The following CALN1 variants were observed in gnomAD, a reference collection of about 807,000 sequenced individuals.
The protein encoded by CALN1 is calneuron 1, also known as calcium-binding protein 8.
CALN1 carries 17 observed loss-of-function variants against 30.6 expected under a neutral mutation model. The ratio of observed to expected loss-of-function variants is 0.56; its 90% CI spans 0.38 to 0.83. The LOEUF is 0.83. Ranked by LOEUF, CALN1 falls within the 40% of genes least tolerant of loss-of-function variation. The pLI, the probability that CALN1 is intolerant of heterozygous loss-of-function variation, is 0.00. For missense variants in CALN1, 291 were observed against 354.9 expected (o/e 0.82, Z 1.45); for synonymous variants, 156 against 131.4 (o/e 1.19, Z -1.28).
At chr7:72,030,681 A>G (rs748046246) in intron 4 of CALN1, among the ~76,000 whole-genome samples, 1 of 152,166 alleles carries the variant, frequency 6.6e-6, no homozygotes, top group Non-Finnish European at 1.5e-5. Flanking sequence ...TGATAATCAT[A>G]ATAATATCTA....
intron 5 of CALN1, among the ~76,000 whole-genome samples, chr7:71,938,254 A>G (rs969091630): frequency 6.6e-6 from 1 of 152,198 alleles, no homozygotes; most frequent in African/African-American, 2.4e-5. Flanking sequence ...GTTGTGATAC[A>G]ATGACGACAG....
chr7:71,817,826 A>G (rs1788355535), intron 5 of CALN1, among the ~76,000 whole-genome samples: 1 of 151,758 alleles, frequency 6.6e-6, no homozygotes, highest in Non-Finnish European at 1.5e-5. Flanking sequence ...ATTTATATTT[A>G]TTAATTACAT....
At chr7:72,034,931 G>A (rs895020075) in intron 4 of CALN1, among the ~76,000 whole-genome samples, 3 of 151,852 alleles carry the variant, frequency 2.0e-5, no homozygotes, top group African/African-American at 7.3e-5. Flanking sequence ...AAAAAAATGG[G>A]GAGGTCAAGG....
At chr7:72,188,258 GAGAT>G (rs1185573035) in intron 3 of CALN1, among the ~76,000 whole-genome samples, 1 of 151,984 alleles carries the variant, frequency 6.6e-6, no homozygotes, top group East Asian at 1.9e-4. Flanking sequence ...TAAAGAAACT[GAGAT>G]ATATATACAT....
intron 5 of CALN1, among the ~76,000 whole-genome samples, chr7:71,812,542 A>G (rs1788015094): frequency 6.6e-6 from 1 of 152,212 alleles, no homozygotes. Context: ...CGTGATTCAC[A>G]ATTGAAATTA....
At chr7:72,094,088 T>C (rs1170416840) in intron 4 of CALN1, among the ~76,000 whole-genome samples, 1 of 152,104 alleles carries the variant, frequency 6.6e-6, no homozygotes, top group African/African-American at 2.4e-5. Flanking sequence ...TCTAAGCCCA[T>C]GGCTAGAATC....
intron 3 of CALN1, among the ~76,000 whole-genome samples, chr7:72,254,643 A>T (rs1163993349): frequency 1.3e-5 from 2 of 150,740 alleles, no homozygotes; most frequent in African/African-American, 4.9e-5. Context: ...TTTTATTTTT[A>T]TTTTTTTTTG....
intron 4 of CALN1, among the ~76,000 whole-genome samples, chr7:72,101,136 T>C (rs1045063751): frequency 1.6e-4 from 24 of 151,952 alleles, no homozygotes; most frequent in African/African-American, 5.8e-4. Context: ...GCTAATTGTT[T>C]TGTATTTTTA....
intron 2 of CALN1, among the ~76,000 whole-genome samples, chr7:72,292,690 G>T (rs546261809): frequency 6.6e-6 from 1 of 150,884 alleles, no homozygotes; most frequent in South Asian, 2.1e-4. Context: ...GCATGGTGGC[G>T]CATGCTTGTA....
At chr7:71,817,839 C>T (rs112082593) in intron 5 of CALN1, among the ~76,000 whole-genome samples, 180 of 152,030 alleles carry the variant, frequency 1.2e-3, no homozygotes, top group African/African-American at 3.8e-3. Context: ...AATTACATTA[C>T]GTAACCTTAT....
chr7:71,803,311 T>C (rs903799592), intron 6 of CALN1, among the ~76,000 whole-genome samples: 1 of 152,140 alleles, frequency 6.6e-6, no homozygotes, highest in African/African-American at 2.4e-5. Flanking sequence ...CAGGTGTGAT[T>C]GATGGAAAGG....
At chr7:72,499,842 TTTCTTTCTTTC>T in the CALN1 span, among the ~76,000 whole-genome samples, 5 of 35,412 alleles carry the variant, frequency 1.4e-4, no homozygotes, top group African/African-American at 3.1e-4. Context: ...TCTTTCTTTC[TTTCTTTCTTTC>T]TTTCTTTCTT....
chr7:72,177,756 A>G (rs1431836109), intron 3 of CALN1, among the ~76,000 whole-genome samples: 2 of 151,044 alleles, frequency 1.3e-5, no homozygotes, highest in Non-Finnish European at 1.5e-5. Flanking sequence ...CAGAGGGAAA[A>G]AAAAAAAAAA....
chr7:72,360,466 C>T (rs1407500127), intron 2 of CALN1, among the ~76,000 whole-genome samples: 2 of 151,488 alleles, frequency 1.3e-5, no homozygotes, highest in Non-Finnish European at 2.9e-5. Context: ...GAAGACATCA[C>T]ACATGTTTAT....
intron 2 of CALN1, among the ~76,000 whole-genome samples, chr7:72,391,284 G>A (rs1426971100): frequency 6.6e-6 from 1 of 152,240 alleles, no homozygotes; most frequent in Non-Finnish European, 1.5e-5. Context: ...AGTTAGTTTA[G>A]GAAAAATGTT....
At chr7:72,143,628 T>A (rs1585030671) in intron 3 of CALN1, among the ~76,000 whole-genome samples, 1 of 151,888 alleles carries the variant, frequency 6.6e-6, no homozygotes, top group Non-Finnish European at 1.5e-5. Flanking sequence ...CAGAGAACGC[T>A]ACAAAGATAC....
chr7:72,401,242 G>C (rs1051571274), intron 2 of CALN1, among the ~76,000 whole-genome samples: 6 of 151,714 alleles, frequency 4.0e-5, no homozygotes, highest in African/African-American at 1.5e-4. Flanking sequence ...AATGCACTCT[G>C]AGAGATAACA....
chr7:72,105,485 CCCCCATT>C (rs898531125), intron 4 of CALN1, among the ~76,000 whole-genome samples: 5 of 151,866 alleles, frequency 3.3e-5, no homozygotes, highest in African/African-American at 1.2e-4. Flanking sequence ...CAACTCACTG[CCCCCATT>C]CCTTTTTGCT....
chr7:72,400,273 C>G (rs1247393071), intron 2 of CALN1, among the ~76,000 whole-genome samples: 1 of 152,150 alleles, frequency 6.6e-6, no homozygotes, highest in Non-Finnish European at 1.5e-5. Flanking sequence ...CTGATTTGAT[C>G]TGGAGTGGAC....
Sources: allele counts gnomAD v4.1 joint callset (sites outside exome capture counted in the v4.1 genomes callset), GRCh38; gene constraint gnomAD v4.1.1; transcripts MANE v1.5; gene names NCBI Gene and HGNC (gene_info 2026-07-23, HGNC 2026-07-21).